The following KIF13B variants were observed in gnomAD, a reference collection of about 807,000 sequenced individuals.
KIF13B encodes kinesin family member 13B.
KIF13B carries 127 observed loss-of-function variants against 222.0 expected under a neutral mutation model. The ratio of observed to expected loss-of-function variants is 0.57; its 90% confidence interval spans 0.50 to 0.66. The LOEUF (loss-of-function observed/expected upper bound fraction) is 0.66, where lower values mean the gene tolerates loss of function less well. Among genes scored for constraint, KIF13B ranks in the 30% least tolerant of loss-of-function variants. KIF13B has a pLI of 0.00. For synonymous variants in KIF13B, 976 were observed against 919.0 expected, an observed-to-expected ratio of 1.06 and a Z score of -1.12; for missense variants, 2,173 against 2,379.0, an observed-to-expected ratio of 0.91 and a Z score of 1.80.
At chr8:29,211,752 T>G (rs1449310167) in intron 2 of KIF13B, among the ~76,000 whole-genome samples, 2 of 152,166 alleles carry the variant, frequency 1.3e-5, no homozygotes, top group Non-Finnish European at 2.9e-5. Context: ...AGAGGAAAGA[T>G]CTCCTTAAAC....
chr8:29,190,413 A>G (rs1370924319), intron 4 of KIF13B: 2 of 152,940 alleles, frequency 1.3e-5, no homozygotes. Flanking sequence ...ATAGGAAGGT[A>G]AGAACTCATC....
At chr8:29,117,640 G>C (rs917120436) in intron 30 of KIF13B, among the ~76,000 whole-genome samples, 1 of 152,114 alleles carries the variant, frequency 6.6e-6, no homozygotes. Flanking sequence ...GGGTGTGTCG[G>C]ACTGACTCCT....
rs71222598 is a variant in KIF13B, at chr8:29,197,336, C to CAAAAAA, written c.150-1143_150-1138dup. ...TGGGCGACAGAGCGAGACTCCGTCT[C>CAAAAAA]AAAAAAAAAAAAAAAAAAAAAAAAA... is the stretch of plus-strand genomic sequence containing the variant. On this transcript the variant is annotated intron_variant, in intron 2 of 39. Coordinates refer to ENST00000524189, the MANE Select transcript of KIF13B (RefSeq NM_015254.4). 1.2e-3 allele frequency among the ~76,000 whole-genome samples: 71 copies of CAAAAAA among 57,772 alleles called. 3 individuals are homozygous for CAAAAAA. Among genetic ancestry groups the CAAAAAA allele is most frequent in the African/African-American group, 4.9e-3 (68 of 13,880 alleles). The allele number at this position is 57,772 out of a possible 152,430, so 37.9% of individuals were successfully genotyped here.
intron 37 of KIF13B, among the ~76,000 whole-genome samples, chr8:29,076,276 A>G (rs933426886): frequency 5.9e-5 from 9 of 152,084 alleles, no homozygotes; most frequent in African/African-American, 1.9e-4. Flanking sequence ...CTGGCCTCCC[A>G]TGCTGGGCTC....
chr8:29,130,396 A>C, intron 24 of KIF13B, 137 bp downstream of exon 24: 1 of 893,538 alleles, frequency 1.1e-6, no homozygotes, highest in Non-Finnish European at 1.8e-6. Context: ...TTGTGACATG[A>C]GATAGGAGAA....
intron 1 of KIF13B, among the ~76,000 whole-genome samples, chr8:29,255,030 G>C (rs1234475633): frequency 1.3e-5 from 2 of 152,212 alleles, no homozygotes; most frequent in African/African-American, 4.8e-5. Flanking sequence ...TGAAAGAAGT[G>C]AGATACAAAA....
intron 35 of KIF13B, among the ~76,000 whole-genome samples, chr8:29,105,139 T>A (rs1382048081): frequency 4.6e-5 from 7 of 152,080 alleles, no homozygotes; most frequent in Admixed American, 3.9e-4. Flanking sequence ...GCTAATTTTT[T>A]AAATTTTTTT....
chr8:29,205,680 G>A (rs1422622006), intron 2 of KIF13B, among the ~76,000 whole-genome samples: 2 of 152,150 alleles, frequency 1.3e-5, no homozygotes, highest in Admixed American at 6.5e-5. Flanking sequence ...CAGCAGTAAT[G>A]TCATTAGAAT....
rs10092186 is a variant in KIF13B at position 29,075,248 on chromosome 8, G to A, written c.4521+33C>T. The A allele has an allele frequency of 1.1e-4, 172 of 1,541,000 alleles. No homozygotes were observed. The African/African-American group carries it at 2.1e-3, about 19-fold the overall frequency. ...CATCAGGGCCACCTGCTCGCTGTAG[G>A]TGGGGTGGCCACCCGTGACCCAACA... is the stretch of plus-strand genomic sequence containing the variant. On this transcript the variant is annotated intron_variant, in intron 38 of 39. Coordinates refer to ENST00000524189, the MANE Select transcript of KIF13B (RefSeq NM_015254.4).
In KIF13B at chr8:29,180,199, T is replaced by C; in HGVS notation, c.625A>G (p.Thr209Ala). The C allele has an allele frequency of 6.2e-7, 1 of 1,614,016 alleles. No individual in the cohort carries two copies. Among genetic ancestry groups the C allele is most frequent in the Non-Finnish European group, 8.5e-7 (1 of 1,179,880 alleles). ...SLMSEGNKSRTVAATNMNEES... is the reference protein window; with the variant it reads ...SLMSEGNKSRAVAATNMNEES... ...TCGTTCATGTTGGTTGCAGCAACTG[T>C]GCGAGATTTGTTACCCTCAGACATC... The change falls in exon 8 of 40, where the codon ACA becomes GCA. Residue 209 changes from threonine (T) to alanine (A), a missense_variant. Transcript: ENST00000524189.
rs141487111 is a variant in KIF13B at position 29,159,050 on chromosome 8, C to T, written c.1404+1683G>A. On this transcript the variant is annotated intron_variant, in intron 13 of 39. Coordinates refer to ENST00000524189, the MANE Select transcript of KIF13B (RefSeq NM_015254.4). Reference sequence around the variant, plus strand: ...CGCATCTCTTCCCACGTAGTCAGCTCGTTAGCTTTACTTTCCCGGTCACAT... The same window carrying T: ...CGCATCTCTTCCCACGTAGTCAGCTTGTTAGCTTTACTTTCCCGGTCACAT... 3.1e-3 allele frequency among the ~76,000 whole-genome samples: 474 copies of T among 152,320 alleles called. 1 individual carries two copies. The highest frequency in any genetic ancestry group is 5.2e-3 in the Non-Finnish European group (354 of 68,036).
At chr8:29,262,489 C>T (rs541314802) in intron 1 of KIF13B, among the ~76,000 whole-genome samples, 33 of 152,222 alleles carry the variant, frequency 2.2e-4, no homozygotes, top group Admixed American at 5.2e-4. Context: ...CGCCGCGGGC[C>T]AAGGCGGTGC....
At chr8:29,256,230 T>G (rs916968070) in intron 1 of KIF13B, among the ~76,000 whole-genome samples, 1 of 152,120 alleles carries the variant, frequency 6.6e-6, no homozygotes, top group African/African-American at 2.4e-5. Context: ...AAAACCTGCT[T>G]CTCCTGTGCT....
At chr8:29,239,914 T>A in intron 2 of KIF13B, among the ~76,000 whole-genome samples, 1 of 151,752 alleles carries the variant, frequency 6.6e-6, no homozygotes, top group Non-Finnish European at 1.5e-5. Flanking sequence ...CTGCGTGCCT[T>A]GGCCTCTCAA....
At position 29,155,769 on chromosome 8, in the gene KIF13B, T is replaced by C; in HGVS notation, c.1492A>G (p.Thr498Ala). 1 of 1,603,622 alleles carries C rather than the reference T, an allele frequency of 6.2e-7. No individual in the cohort carries two copies. Among genetic ancestry groups the C allele is most frequent in the Non-Finnish European group, 8.5e-7 (1 of 1,174,372 alleles). Reference sequence around the variant, plus strand: ...GTCAGCATAACCTGGCCTTCTGACGTGATGTCTATAATACAGTGTTCAGGA... The same window carrying C: ...GTCAGCATAACCTGGCCTTCTGACGCGATGTCTATAATACAGTGTTCAGGA... ...ILPEHCIIDI[T>A]SEGQVMLTPQ... The change falls in exon 14 of 40, where the codon ACG becomes GCG. Residue 498 changes from threonine to alanine, a missense_variant. This residue lies in a region of KIF13B where 1,480 missense variants were observed against 1,722.8 expected (regional missense o/e 0.86). Transcript: ENST00000524189.
rs1157129117 is a variant in KIF13B at position 29,160,863 on chromosome 8, C to T, written c.1274G>A (p.Arg425Gln). 1 of 1,613,010 alleles carries T rather than the reference C, an allele frequency of 6.2e-7. No individual in the cohort carries two copies. Among genetic ancestry groups the T allele is most frequent in the Admixed American group, 1.7e-5 (1 of 59,930 alleles). Residue 425 changes from arginine to glutamine, a missense_variant, in exon 13 of 40, where the codon CGA (arginine) becomes CAA (glutamine). Transcript: ENST00000524189. The part of the protein sequence containing the change: ...LRKTEEIAQE[R>Q]QKQLESLGIS... Reference sequence around the variant, plus strand: ...TCCAAGACTCTCAAGCTGTTTCTGTCGTTCCTGTAAATGTTATCAGAGAAG... The same window carrying T: ...TCCAAGACTCTCAAGCTGTTTCTGTTGTTCCTGTAAATGTTATCAGAGAAG...
At chr8:29,160,491 C>T (rs540795053) in intron 13 of KIF13B, among the ~76,000 whole-genome samples, 22 of 152,126 alleles carry the variant, frequency 1.4e-4, no homozygotes, top group Non-Finnish European at 2.8e-4. Flanking sequence ...ATACAAATCA[C>T]GTTAAATAAT....
chr8:29,123,462 G>A lies in KIF13B; in HGVS notation c.3383C>T (p.Ala1128Val), dbSNP rs369600599. 88 of 1,614,008 alleles carry A rather than the reference G, an allele frequency of 5.5e-5. 1 individual carries two copies. Among genetic ancestry groups the A allele is most frequent in the Admixed American group, 2.3e-4 (14 of 60,032 alleles). ...DKTEDDADREAQLLEMRLTLT... is the reference protein window; with the variant it reads ...DKTEDDADREVQLLEMRLTLT... ...GGTCAACCGCATCTCCAGAAGCTGCGCTTCACGGTCAGCATCATCCTCTGT... is the reference window on the plus strand; with the variant it reads ...GGTCAACCGCATCTCCAGAAGCTGCACTTCACGGTCAGCATCATCCTCTGT... The change falls in exon 28 of 40, where the codon GCG becomes GTG. Residue 1128 changes from alanine (A) to valine (V), a missense_variant. Ala to Val is a moderately conservative substitution (Grantham distance 64). Coordinates refer to ENST00000524189, the MANE Select transcript of KIF13B (RefSeq NM_015254.4).
intron 11 of KIF13B, among the ~76,000 whole-genome samples, chr8:29,167,160 C>T (rs1286706588): frequency 6.6e-6 from 1 of 152,196 alleles, no homozygotes; most frequent in Non-Finnish European, 1.5e-5. Context: ...CTATTTGCTC[C>T]TGTTCAATCT....
Sources: allele counts gnomAD v4.1 joint callset (sites outside exome capture counted in the v4.1 genomes callset), GRCh38; gene constraint gnomAD v4.1.1; regional missense constraint gnomAD v4.1.1; transcripts MANE v1.5; gene names NCBI Gene and HGNC (gene_info 2026-07-23, HGNC 2026-07-21).